The following AVEN variants were observed in gnomAD, a reference collection of about 807,000 sequenced individuals.
The protein encoded by AVEN is apoptosis and caspase activation inhibitor, also known as cell death regulator Aven.
A neutral mutation model predicts 38.1 loss-of-function variants in AVEN; 41 were observed. The observed-to-expected ratio is 1.08, with a 90% CI of 0.84 to 1.40. AVEN has a LOEUF of 1.40. Ranked by LOEUF, AVEN falls within the 40% of genes most tolerant of loss-of-function variation. The pLI, the probability that AVEN is intolerant of heterozygous loss-of-function variation, is 0.00. For missense variants in AVEN, 605 were observed against 438.8 expected (o/e 1.38, Z -3.38); for synonymous variants, 206 against 171.8 (o/e 1.20, Z -1.56).
chr15:33,894,815 A>T (rs57342000), intron 2 of AVEN, among the ~76,000 whole-genome samples: 80,255 of 100,176 alleles, frequency 0.8, 33,900 homozygotes, highest in East Asian at 0.96. Flanking sequence ...ATCTCAAAAA[A>T]AAAAAAATAA....
intron 2 of AVEN, among the ~76,000 whole-genome samples, chr15:33,933,565 AGAGAGAGAGAGAGAG>A (rs1283271777): frequency 9.1e-5 from 13 of 142,266 alleles, no homozygotes; most frequent in Non-Finnish European, 1.7e-4. Context: ...AGAGAGAGAG[AGAGAGAGAGAGAGAG>A]AACTGAGGCA....
downstream of AVEN, chr15:33,854,970 A>G: frequency 6.7e-7 from 1 of 1,502,550 alleles, no homozygotes; most frequent in Non-Finnish European, 9.0e-7. Context: ...GAAAAAAAGA[A>G]CAGCAGGTAG....
At chr15:33,875,887 G>C in intron 3 of AVEN, 38 bp downstream of exon 3, 2 of 1,567,344 alleles carry the variant, frequency 1.3e-6, no homozygotes, top group Non-Finnish European at 1.8e-6. Flanking sequence ...CAGCCTTGAA[G>C]AAGAGCCAGT....
downstream of AVEN, chr15:33,856,155 T>C (rs972671136): frequency 8.5e-5 from 13 of 152,244 alleles, no homozygotes; most frequent in Middle Eastern, 3.2e-3. Flanking sequence ...AGAGCGTAGA[T>C]TCACCCCCTT....
chr15:34,036,173 T>C (rs1899116325), intron 1 of AVEN, among the ~76,000 whole-genome samples: 1 of 152,052 alleles, frequency 6.6e-6, no homozygotes, highest in African/African-American at 2.4e-5. Context: ...GTGAAGATAA[T>C]TATGCTCACC....
intron 2 of AVEN, among the ~76,000 whole-genome samples, chr15:33,894,018 C>T (rs1393342567): frequency 1.3e-5 from 2 of 148,960 alleles, no homozygotes; most frequent in Admixed American, 1.4e-4. Context: ...GGCGTGATCT[C>T]GGCTCACTGC....
At chr15:33,975,566 G>C (rs1454988644) in intron 2 of AVEN, among the ~76,000 whole-genome samples, 11 of 152,250 alleles carry the variant, frequency 7.2e-5, no homozygotes, top group Non-Finnish European at 1.5e-4. Context: ...AGAAAGCATA[G>C]AAACAAAAAG....
intron 5 of AVEN, among the ~76,000 whole-genome samples, chr15:34,053,902 T>C (rs1056083052): frequency 6.6e-6 from 1 of 151,972 alleles, no homozygotes; most frequent in Non-Finnish European, 1.5e-5. Context: ...ACTTACAGAA[T>C]GGGAGAAAAA....
At chr15:33,980,076 T>A (rs114303869) in intron 2 of AVEN, among the ~76,000 whole-genome samples, 2,212 of 152,344 alleles carry the variant, frequency 0.015, 52 homozygotes, top group African/African-American at 0.05. Context: ...CCTGGTTGAA[T>A]CCATGATATT....
chr15:34,020,789 C>T (rs1189049752), intron 1 of AVEN, among the ~76,000 whole-genome samples: 4 of 152,196 alleles, frequency 2.6e-5, no homozygotes, highest in Non-Finnish European at 5.9e-5. Flanking sequence ...ATAATCTCCA[C>T]ATAACTTTTT....
intron 5 of AVEN, among the ~76,000 whole-genome samples, chr15:34,048,622 C>T (rs1450045300): frequency 2.0e-5 from 3 of 152,220 alleles, no homozygotes; most frequent in Non-Finnish European, 4.4e-5. Context: ...CCATTCCAGC[C>T]TGCTGGCTTT....
chr15:33,898,465 G>A (rs1242282390), intron 2 of AVEN, among the ~76,000 whole-genome samples: 1 of 152,186 alleles, frequency 6.6e-6, no homozygotes, highest in African/African-American at 2.4e-5. Context: ...TAGGGGAGGA[G>A]CTTCCCCTCA....
chr15:33,877,036 G>C (rs1891261861), intron 2 of AVEN, among the ~76,000 whole-genome samples: 1 of 152,152 alleles, frequency 6.6e-6, no homozygotes, highest in African/African-American at 2.4e-5. Context: ...TAAGAAATAA[G>C]TGGTTGTTCT....
intron 1 of AVEN, among the ~76,000 whole-genome samples, chr15:34,025,751 G>A (rs1898432013): frequency 7.1e-6 from 1 of 141,524 alleles, no homozygotes. Flanking sequence ...TTTTGGTTTG[G>A]TTTTGCGTGT....
chr15:34,062,640 C>T (rs1900380420), intron 5 of AVEN: 5 of 1,377,574 alleles, frequency 3.6e-6, no homozygotes, highest in Non-Finnish European at 1.0e-6. Context: ...CCCTCTCTTC[C>T]AGATGCTGGC....
chr15:34,074,554 G>T (rs991141720), exon 1 of AVEN, among the ~76,000 whole-genome samples: 1 of 152,108 alleles, frequency 6.6e-6, no homozygotes, highest in Non-Finnish European at 1.5e-5. Flanking sequence ...TGGTAGTCTT[G>T]TGTTCCTCAG....
At chr15:33,895,863 C>T (rs1051228156) in intron 2 of AVEN, among the ~76,000 whole-genome samples, 3 of 152,138 alleles carry the variant, frequency 2.0e-5, no homozygotes, top group African/African-American at 4.8e-5. Context: ...CTTTTATATC[C>T]AGCCATGATG....
intron 5 of AVEN, among the ~76,000 whole-genome samples, chr15:34,058,682 T>C (rs1318115997): frequency 1.3e-5 from 2 of 152,166 alleles, no homozygotes; most frequent in Non-Finnish European, 2.9e-5. Context: ...TTGCTTCTGC[T>C]TTCTTCAGGC....
chr15:34,004,784 T>G (rs1438589973), intron 1 of AVEN, among the ~76,000 whole-genome samples: 1 of 152,150 alleles, frequency 6.6e-6, no homozygotes, highest in Non-Finnish European at 1.5e-5. Context: ...GTATTATTAT[T>G]CTATCTACTT....
Sources: gnomAD v4.1 joint callset for allele counts (sites outside exome capture counted in the v4.1 genomes callset) on GRCh38, gnomAD v4.1.1 for gene constraint, MANE v1.5 for transcripts, NCBI Gene and HGNC (gene_info 2026-07-23, HGNC 2026-07-21) for gene names.